The following FAM193A variants were observed in gnomAD, a reference collection of about 807,000 sequenced individuals.
FAM193A encodes family with sequence similarity 193 member A.
Under a neutral mutation model 126.5 loss-of-function variants are expected in FAM193A, and 22 were observed. The observed-to-expected ratio is 0.17, with a 90% CI of 0.12 to 0.25. FAM193A has a LOEUF of 0.25. FAM193A is among the 10% of genes least tolerant of loss of function. The pLI, the probability that FAM193A is intolerant of heterozygous loss-of-function variation, is 1.00. For missense variants in FAM193A, 1,675 were observed against 1,672.8 expected (o/e 1.00, Z -0.02); for synonymous variants, 761 against 646.8 (o/e 1.18, Z -2.68).
intron 1 of FAM193A, among the ~76,000 whole-genome samples, chr4:2,567,475 A>T (rs1177970403): frequency 6.6e-6 from 1 of 152,164 alleles, no homozygotes. Context: ...TTTAACACAA[A>T]GTATTCAACC....
intron 2 of FAM193A, among the ~76,000 whole-genome samples, chr4:2,618,706 C>T (rs1461741765): frequency 2.0e-5 from 3 of 151,422 alleles, no homozygotes; most frequent in Non-Finnish European, 4.4e-5. Flanking sequence ...AGTGATTCTC[C>T]TGCCCCAGCC....
chr4:2,560,462 G>A (rs778965759), intron 1 of FAM193A, among the ~76,000 whole-genome samples: 1 of 152,188 alleles, frequency 6.6e-6, no homozygotes. Context: ...TTGGCACATA[G>A]TACATAGGCA....
At chr4:2,551,559 G>A (rs1560436750) in intron 1 of FAM193A, among the ~76,000 whole-genome samples, 1 of 152,172 alleles carries the variant, frequency 6.6e-6, no homozygotes, top group Non-Finnish European at 1.5e-5. Context: ...GAATTTATGT[G>A]TATAGAGTTG....
At chr4:2,716,198 G>C in intron 20 of FAM193A, 94 bp downstream of exon 20, 1 of 873,458 alleles carries the variant, frequency 1.1e-6, no homozygotes, top group South Asian at 1.4e-5. Context: ...TAGTTGTCTT[G>C]GACGAAGTTA....
chr4:2,599,190 T>C (rs1201260062), intron 2 of FAM193A, among the ~76,000 whole-genome samples: 2 of 152,026 alleles, frequency 1.3e-5, no homozygotes, highest in African/African-American at 4.8e-5. Context: ...ACTCTCAACC[T>C]TTCAGAATTT....
At chr4:2,650,119 G>A (rs1001935113) in intron 7 of FAM193A, among the ~76,000 whole-genome samples, 3 of 152,158 alleles carry the variant, frequency 2.0e-5, no homozygotes, top group African/African-American at 7.2e-5. Flanking sequence ...ATTGTGGTGA[G>A]TTGTATAATT....
intron 1 of FAM193A, among the ~76,000 whole-genome samples, chr4:2,584,207 T>G (rs1233091644): frequency 1.3e-5 from 2 of 152,130 alleles, no homozygotes; most frequent in East Asian, 3.8e-4. Flanking sequence ...TATTGAGAGA[T>G]CTCTCCCTAT....
chr4:2,559,965 C>CTT (rs112140041), intron 1 of FAM193A, among the ~76,000 whole-genome samples: 1 of 147,904 alleles, frequency 6.8e-6, no homozygotes, highest in African/African-American at 2.5e-5. Flanking sequence ...TTCTTTTTTC[C>CTT]TTTTTTTTTT....
intron 12 of FAM193A, among the ~76,000 whole-genome samples, chr4:2,668,260 C>G (rs1161174207): frequency 6.7e-6 from 1 of 149,996 alleles, no homozygotes; most frequent in Non-Finnish European, 1.5e-5. Flanking sequence ...GTCACCCAGG[C>G]TGGAGTGCAG....
intron 6 of FAM193A, among the ~76,000 whole-genome samples, chr4:2,643,824 A>G (rs1744870841): frequency 6.6e-6 from 1 of 152,168 alleles, no homozygotes; most frequent in African/African-American, 2.4e-5. Flanking sequence ...CTGGCAGGCC[A>G]AGGCGTAGGC....
chr4:2,721,493 A>AT (rs1277256964), intron 20 of FAM193A, among the ~76,000 whole-genome samples: 1 of 152,118 alleles, frequency 6.6e-6, no homozygotes, highest in Non-Finnish European at 1.5e-5. Flanking sequence ...CTCCAAAAAA[A>AT]TTAAAACAAA....
rs1292418652 is a variant in FAM193A, at chr4:2,555,858, CACCTGCCTCG to C, written c.255+18689_255+18698del. On this transcript the variant is annotated intron_variant, in intron 1 of 20. Coordinates refer to ENST00000637812, the MANE Select transcript of FAM193A (RefSeq NM_001366318.2). ...GTCTCGATCTCCTGACCTTGTGATC[CACCTGCCTCG>C]GCCTCCCAAAGTGCTGGGATTACAA... Among the ~76,000 whole-genome samples the C allele has an allele frequency of 1.2e-4, 18 of 151,972 alleles. No homozygotes were observed. The Middle Eastern group carries it at 0.01, about 87-fold the overall frequency.
At chr4:2,726,000 G>A (rs928869418) in intron 20 of FAM193A, among the ~76,000 whole-genome samples, 16 of 151,776 alleles carry the variant, frequency 1.1e-4, no homozygotes, top group African/African-American at 3.2e-4. Context: ...CCAAGTTCAC[G>A]CCATTCTCCT....
chr4:2,585,708 C>T (rs917790864), intron 1 of FAM193A, among the ~76,000 whole-genome samples: 6 of 152,020 alleles, frequency 3.9e-5, no homozygotes, highest in African/African-American at 1.4e-4. Flanking sequence ...GGGCGGATCA[C>T]CTGAGGTCAG....
chr4:2,564,823 G>C (rs1011002360), intron 1 of FAM193A, among the ~76,000 whole-genome samples: 3 of 151,938 alleles, frequency 2.0e-5, no homozygotes, highest in Non-Finnish European at 4.4e-5. Flanking sequence ...TTTTATTTTT[G>C]AGATAGGGAC....
chr4:2,727,693 C>T (rs984830667), intron 20 of FAM193A, among the ~76,000 whole-genome samples: 21 of 152,198 alleles, frequency 1.4e-4, no homozygotes, highest in Admixed American at 1.3e-3. Context: ...AGACAGAGTG[C>T]AGGGGCTCTC....
In FAM193A at chr4:2,659,973, C is replaced by G; in HGVS notation, c.1664C>G (p.Ser555Trp). The change falls in exon 10 of 21, where the codon TCG (serine) becomes TGG (tryptophan). Residue 555 changes from serine (S) to tryptophan (W), a missense_variant. Coordinates refer to ENST00000637812, the MANE Select transcript of FAM193A (RefSeq NM_001366318.2). ...CCGCCCAGTGTGTCATCTGCAAGCT[C>G]GGGGTCCGGCTCCAGCTCTCCCATC... ...RSPPSVSSAS[S>W]GSGSSSPITI... is the part of the protein sequence containing the mutation. 6.2e-7 allele frequency: 1 copy of G among 1,614,114 alleles called. No homozygotes were observed. The highest frequency in any genetic ancestry group is 8.5e-7 in the Non-Finnish European group (1 of 1,180,016).
intron 1 of FAM193A, among the ~76,000 whole-genome samples, chr4:2,583,540 G>A (rs35123404): frequency 1.3e-5 from 2 of 151,946 alleles, no homozygotes; most frequent in South Asian, 4.2e-4. Context: ...TGAGTTCTGC[G>A]CTACTGTCTT....
At chr4:2,649,024 G>GT (rs1031195326) in intron 7 of FAM193A, among the ~76,000 whole-genome samples, 1 of 152,206 alleles carries the variant, frequency 6.6e-6, no homozygotes, top group African/African-American at 2.4e-5. Context: ...GTTAGGTGAT[G>GT]TTTTAGTGTT....
Sources: allele counts gnomAD v4.1 joint callset (sites outside exome capture counted in the v4.1 genomes callset), GRCh38; gene constraint gnomAD v4.1.1; transcripts MANE v1.5; gene names NCBI Gene and HGNC (gene_info 2026-07-23, HGNC 2026-07-21).